The following FAM153A variants were observed in gnomAD, a reference collection of about 807,000 sequenced individuals.
The protein encoded by FAM153A is family with sequence similarity 153 member A, also known as protein FAM153A.
A neutral mutation model predicts 48.1 loss-of-function variants in FAM153A; 12 were observed. The ratio of observed to expected loss-of-function variants is 0.25; its 90% CI spans 0.16 to 0.40. The LOEUF (loss-of-function observed/expected upper bound fraction) is 0.40, where lower values mean the gene tolerates loss of function less well. FAM153A is among the 10% of genes least tolerant of loss of function. FAM153A has a pLI of 1.00. For missense variants in FAM153A, 111 were observed against 345.8 expected (o/e 0.32, Z 5.38); for synonymous variants, 36 against 118.2 (o/e 0.30, Z 4.51).
chr5:177,715,305 ATAT>A (rs201680918), intron 25 of FAM153A, among the ~76,000 whole-genome samples: 2,002 of 127,664 alleles, frequency 0.016, 30 homozygotes, highest in Non-Finnish European at 0.025. Flanking sequence ...ATACACAATA[ATAT>A]TATAACAAGA....
chr5:177,702,597 C>A, the FAM153A span, among the ~76,000 whole-genome samples: 14 of 151,804 alleles, frequency 9.2e-5, no homozygotes, highest in African/African-American at 3.2e-4. Context: ...ATTTCAGAGA[C>A]CTTCACCATG....
chr5:177,734,941 G>A lies in FAM153A; in HGVS notation c.665-8C>T. 1.3e-6 allele frequency: 2 copies of A among 1,527,110 alleles called. No homozygotes were observed. Among genetic ancestry groups the A allele is most frequent in the Non-Finnish European group, 1.8e-6 (2 of 1,126,264 alleles). 94.6% of individuals were successfully genotyped at this position (1,527,110 alleles called of 1,614,324 possible). A position where few individuals can be genotyped will look rare whatever the true frequency, so the allele number is the denominator to read the frequency against. On this transcript the variant is annotated splice_region_variant and splice_polypyrimidine_tract_variant and intron_variant, in intron 12 of 20. Transcript: ENST00000614127. ...GTACATCCCTGATCAGAACTAGGAG[G>A]ATACAAAGTGACCATCAGCACCTTG... is the stretch of plus-strand genomic sequence containing the variant.
At chr5:177,707,308 A>G (rs929267964), downstream of FAM153A, among the ~76,000 whole-genome samples, 21 of 151,956 alleles carry the variant, frequency 1.4e-4, no homozygotes, top group Non-Finnish European at 1.8e-4. Flanking sequence ...TCAAAAAAGC[A>G]TTTAAAAAAT....
chr5:177,697,159 A>C, the FAM153A span, among the ~76,000 whole-genome samples: 1 of 150,948 alleles, frequency 6.6e-6, no homozygotes, highest in Non-Finnish European at 1.5e-5. Context: ...TGTATCAAAG[A>C]AGTGCATTTT....
intron 14 of FAM153A, among the ~76,000 whole-genome samples, chr5:177,732,515 T>G (rs1763999999): frequency 1.1e-5 from 1 of 89,108 alleles, no homozygotes; most frequent in Admixed American, 1.2e-4. Flanking sequence ...ACTTGCTTTT[T>G]TTTTTTTTTT....
intron 1 of FAM153A, among the ~76,000 whole-genome samples, chr5:177,764,748 G>C (rs1360894378): frequency 1.3e-5 from 2 of 151,828 alleles, no homozygotes; most frequent in East Asian, 3.9e-4. Context: ...CAGCCAGTGA[G>C]GACAGCTGTG....
intron 1 of FAM153A, among the ~76,000 whole-genome samples, chr5:177,768,780 C>CTGCAGTGCACATGTGCGTCCTGCAG (rs1768915488): frequency 9.2e-6 from 1 of 108,942 alleles, no homozygotes; most frequent in Non-Finnish European, 1.9e-5. Context: ...TGCACCCACA[C>CTGCAGTGCACATGTGCGTCCTGCAG]TGCACATGCT....
intron 13 of FAM153A, among the ~76,000 whole-genome samples, chr5:177,734,658 T>C (rs1248349906): frequency 9.6e-5 from 14 of 145,876 alleles, no homozygotes; most frequent in African/African-American, 2.2e-4. Context: ...AGGCTCACTG[T>C]TACACAACAG....
At chr5:177,696,995 T>C in the FAM153A span, among the ~76,000 whole-genome samples, 7 of 151,966 alleles carry the variant, frequency 4.6e-5, no homozygotes, top group Non-Finnish European at 8.8e-5. Context: ...AGGTGGAATT[T>C]TGAAAGGATT....
intron 1 of FAM153A, among the ~76,000 whole-genome samples, chr5:177,763,941 A>G (rs1225121121): frequency 6.6e-6 from 1 of 151,432 alleles, no homozygotes; most frequent in African/African-American, 2.4e-5. Context: ...GACTCGGCCC[A>G]GAGTAAACAG....
chr5:177,754,030 G>GA (rs1767395256), upstream of FAM153A, among the ~76,000 whole-genome samples: 1 of 151,950 alleles, frequency 6.6e-6, no homozygotes, highest in Non-Finnish European at 1.5e-5. Flanking sequence ...AGCCGAAGCA[G>GA]GGCAAGGCAT....
At chr5:177,728,569 G>GT (rs1763109573) in intron 18 of FAM153A, among the ~76,000 whole-genome samples, 1 of 134,322 alleles carries the variant, frequency 7.4e-6, no homozygotes, top group African/African-American at 2.9e-5. Flanking sequence ...TTTTTTGTTT[G>GT]TTTTTGTTTT....
chr5:177,764,663 T>C (rs1306334827), intron 1 of FAM153A, among the ~76,000 whole-genome samples: 1 of 151,564 alleles, frequency 6.6e-6, no homozygotes, highest in Non-Finnish European at 1.5e-5. Context: ...CATTAACTCC[T>C]GGGCTCGCCC....
chr5:177,737,743 C>T (rs557874900), intron 10 of FAM153A, among the ~76,000 whole-genome samples: 8 of 151,746 alleles, frequency 5.3e-5, no homozygotes, highest in South Asian at 4.1e-4. Context: ...TGGTTTCGAA[C>T]GCCTGACCTC....
chr5:177,779,510 C>T (rs1213665788), intron 1 of FAM153A: 2 of 93,352 alleles, frequency 2.1e-5, no homozygotes, highest in Non-Finnish European at 4.6e-5. Context: ...ACAGTTCTTA[C>T]TGCCATTTAT....
chr5:177,709,054 C>T (rs1758112503), downstream of FAM153A, among the ~76,000 whole-genome samples: 1 of 130,088 alleles, frequency 7.7e-6, no homozygotes, highest in African/African-American at 3.0e-5. Context: ...GAGACTGCGC[C>T]ACTGCACCCC....
chr5:177,698,389 A>G, the FAM153A span, among the ~76,000 whole-genome samples: 1 of 151,954 alleles, frequency 6.6e-6, no homozygotes, highest in Non-Finnish European at 1.5e-5. Flanking sequence ...ATAATGGCAG[A>G]CAATGCCTGC....
At chr5:177,728,255 T>G (rs1271972952) in intron 18 of FAM153A, among the ~76,000 whole-genome samples, 34 of 123,830 alleles carry the variant, frequency 2.7e-4, no homozygotes, top group Admixed American at 5.9e-4. Context: ...GAGGACTGGG[T>G]ATATTAAACT....
chr5:177,776,599 G>A (rs1343816901), intron 1 of FAM153A, among the ~76,000 whole-genome samples: 1 of 80,754 alleles, frequency 1.2e-5, no homozygotes, highest in Non-Finnish European at 2.4e-5. Flanking sequence ...ACTGCTCAAG[G>A]AAATAAAAGA....
Sources: gnomAD v4.1 joint callset for allele counts (sites outside exome capture counted in the v4.1 genomes callset) on GRCh38, gnomAD v4.1.1 for gene constraint, MANE v1.5 for transcripts, NCBI Gene and HGNC (gene_info 2026-07-23, HGNC 2026-07-21) for gene names.